The following PLEKHG1 variants were observed in gnomAD, a reference collection of about 807,000 sequenced individuals.
The protein encoded by PLEKHG1 is pleckstrin homology and RhoGEF domain containing G1.
A neutral mutation model predicts 100.8 loss-of-function variants in PLEKHG1; 44 were observed. That is an observed-to-expected ratio of 0.44 (90% CI 0.34 to 0.56). PLEKHG1 has a LOEUF of 0.56. Among genes scored for constraint, PLEKHG1 ranks in the 20% least tolerant of loss-of-function variants. The pLI is 0.01. For missense variants in PLEKHG1, 1,545 were observed against 1,720.9 expected, an observed-to-expected ratio of 0.90 and a Z score of 1.81; for synonymous variants, 640 against 662.5, an observed-to-expected ratio of 0.97 and a Z score of 0.52.
At chr6:150,807,489 G>C (rs967415456) in intron 7 of PLEKHG1, among the ~76,000 whole-genome samples, 5 of 152,146 alleles carry the variant, frequency 3.3e-5, no homozygotes, top group Non-Finnish European at 7.4e-5. Context: ...ATTAAACGGT[G>C]CTTGTGAATA....
intron 4 of PLEKHG1, among the ~76,000 whole-genome samples, chr6:150,793,019 C>T (rs1786088339): frequency 6.6e-6 from 1 of 152,148 alleles, no homozygotes; most frequent in African/African-American, 2.4e-5. Context: ...ATTAAATAGG[C>T]TCATATTAAT....
chr6:150,702,322 C>A (rs1780822467), intron 3 of PLEKHG1, among the ~76,000 whole-genome samples: 1 of 151,988 alleles, frequency 6.6e-6, no homozygotes, highest in Non-Finnish European at 1.5e-5. Context: ...ATACAAAAAT[C>A]AGCTGGGTGT....
At chr6:150,797,533 C>G (rs986082455) in intron 5 of PLEKHG1, among the ~76,000 whole-genome samples, 1 of 151,730 alleles carries the variant, frequency 6.6e-6, no homozygotes, top group African/African-American at 2.4e-5. Flanking sequence ...AAGATCCTGT[C>G]TCTTAAAGAC....
At chr6:150,700,896 C>G (rs529387531) in intron 3 of PLEKHG1, among the ~76,000 whole-genome samples, 1 of 151,094 alleles carries the variant, frequency 6.6e-6, no homozygotes, top group African/African-American at 2.5e-5. Flanking sequence ...ACTTCCCTCT[C>G]TCTCTAAACA....
At chr6:150,788,969 T>G (rs998820412) in intron 4 of PLEKHG1, among the ~76,000 whole-genome samples, 1 of 152,216 alleles carries the variant, frequency 6.6e-6, no homozygotes, top group African/African-American at 2.4e-5. Context: ...GATAGTCATA[T>G]GATTAGAGTG....
exon 2 of PLEKHG1, chr6:150,733,890 A>G: frequency 6.2e-7 from 1 of 1,614,188 alleles, no homozygotes; most frequent in Non-Finnish European, 8.5e-7. Flanking sequence ...CTGCAGAGGG[A>G]CAACCCCGCC....
intron 7 of PLEKHG1, among the ~76,000 whole-genome samples, chr6:150,807,277 G>A (rs942317074): frequency 6.6e-6 from 1 of 152,198 alleles, no homozygotes; most frequent in African/African-American, 2.4e-5. Context: ...GTAATCCACT[G>A]GGGGTCTTGG....
chr6:150,777,098 G>A (rs1785016741), intron 3 of PLEKHG1, among the ~76,000 whole-genome samples: 1 of 150,138 alleles, frequency 6.7e-6, no homozygotes, highest in African/African-American at 2.5e-5. Flanking sequence ...CACATGTGCG[G>A]TTGCACATCA....
intron 3 of PLEKHG1, chr6:150,663,364 C>T (rs537697317): frequency 9.2e-5 from 14 of 152,102 alleles, no homozygotes; most frequent in Non-Finnish European, 2.1e-4. Flanking sequence ...ATAATGTGGT[C>T]TCTTGATTCA....
At chr6:150,797,583 C>T (rs961299155) in intron 5 of PLEKHG1, among the ~76,000 whole-genome samples, 4 of 151,344 alleles carry the variant, frequency 2.6e-5, no homozygotes, top group Admixed American at 6.6e-5. Flanking sequence ...GCCTGTAATC[C>T]TAGCACTTTG....
At chr6:150,684,467 T>G (rs1582939488) in intron 3 of PLEKHG1, among the ~76,000 whole-genome samples, 1 of 152,338 alleles carries the variant, frequency 6.6e-6, no homozygotes, top group East Asian at 1.9e-4. Flanking sequence ...ATCTGCCTAC[T>G]TTCTCACATA....
chr6:150,687,515 G>C (rs767078556), intron 3 of PLEKHG1, among the ~76,000 whole-genome samples: 53 of 152,128 alleles, frequency 3.5e-4, no homozygotes, highest in Non-Finnish European at 5.9e-5. Flanking sequence ...GGTTATTATG[G>C]CCTTTTTCTG....
At chr6:150,699,213 T>G (rs1490686349) in intron 3 of PLEKHG1, among the ~76,000 whole-genome samples, 1 of 152,178 alleles carries the variant, frequency 6.6e-6, no homozygotes, top group African/African-American at 2.4e-5. Flanking sequence ...TTTGGTTTTG[T>G]TTTTGCAGTT....
intron 7 of PLEKHG1, among the ~76,000 whole-genome samples, chr6:150,806,233 T>G (rs868525075): frequency 0.018 from 2,747 of 150,630 alleles, 48 homozygotes; most frequent in South Asian, 0.065. Context: ...CTTTTTTTTT[T>G]TTTTTTTTTT....
chr6:150,686,128 G>A (rs1317667385), intron 3 of PLEKHG1, among the ~76,000 whole-genome samples: 2 of 152,222 alleles, frequency 1.3e-5, no homozygotes, highest in Non-Finnish European at 2.9e-5. Context: ...GCAGTGTTGT[G>A]TATGAGCTCA....
Position 150,620,831 on chromosome 6 carries a change from T to C in PLEKHG1, c.-203-17249T>C, listed in dbSNP as rs547270704. Among the ~76,000 whole-genome samples the C allele has an allele frequency of 3.3e-5, 5 of 152,254 alleles. No homozygotes were observed. In the East Asian group the frequency reaches 9.7e-4, roughly 29 times the overall value. ...AAGAGACATTACAAACAAGGGAACA[T>C]CAGATATTATGAGAAATGATCAGTG... On this transcript the variant is annotated intron_variant, in intron 1 of 3. Transcript: ENST00000367326.
rs773586435 is a variant in PLEKHG1 at position 150,734,006 on chromosome 6, C to A, written c.325C>A (p.Pro109Thr). 6 of 1,614,018 alleles carry A rather than the reference C, an allele frequency of 3.7e-6. No individual in the cohort carries two copies. In the African/African-American group the frequency reaches 6.7e-5, roughly 18 times the overall value. ...GACGATCGCAGACTCGGCCACGAGCCCCAAGCTCCTCTATGTGGATAGAGT... is the reference window on the plus strand; with the variant it reads ...GACGATCGCAGACTCGGCCACGAGCACCAAGCTCCTCTATGTGGATAGAGT... The change falls in exon 2 of 16, where the codon CCC becomes ACC. Residue 109 changes from proline (P) to threonine (T), a missense_variant. By Grantham distance (38) the Pro-to-Thr change is conservative. Coordinates refer to ENST00000358517, the Ensembl canonical transcript of PLEKHG1.
intron 3 of PLEKHG1, among the ~76,000 whole-genome samples, chr6:150,784,765 GA>G (rs1184825920): frequency 2.7e-5 from 4 of 147,704 alleles, no homozygotes; most frequent in Middle Eastern, 3.4e-3. Flanking sequence ...CTTGAAAAAA[GA>G]AAAAAAAAGA....
At position 150,822,174 on chromosome 6, in the gene PLEKHG1, A is replaced by AC. The variant is rs1378271516; in HGVS notation, c.1447+941_1447+942insC. ...TCAAAAAAAAAAAAAAAAAAAAAAA[A>AC]AAAAGAATAGGGCAGTTTCACAAAA... On this transcript the variant is annotated intron_variant, in intron 13 of 15. Coordinates refer to ENST00000358517, the Ensembl canonical transcript of PLEKHG1. Among the ~76,000 whole-genome samples, 175 of 150,128 alleles carry AC rather than the reference A, an allele frequency of 1.2e-3. 2 individuals carry two copies. Among genetic ancestry groups the AC allele is most frequent in the Non-Finnish European group, 2.3e-3 (158 of 67,596 alleles).
Sources: gnomAD v4.1 joint callset for allele counts (sites outside exome capture counted in the v4.1 genomes callset) on GRCh38, gnomAD v4.1.1 for gene constraint, MANE v1.5 for transcripts, NCBI Gene and HGNC (gene_info 2026-07-23, HGNC 2026-07-21) for gene names.